The following GRIK2 variants were observed in gnomAD, a reference collection of about 807,000 sequenced individuals.
GRIK2 encodes the protein glutamate ionotropic receptor kainate type subunit 2, also known as glutamate receptor ionotropic, kainate 2.
In GRIK2, 32 loss-of-function variants were observed where a neutral mutation model predicts 100.3. The observed-to-expected ratio is 0.32, with a 90% confidence interval of 0.24 to 0.43. The LOEUF is 0.43. Among genes scored for constraint, GRIK2 ranks in the 20% least tolerant of loss-of-function variants. The pLI is 1.00. For missense variants in GRIK2, 843 were observed against 1,114.9 expected (o/e 0.76, Z 3.47); for synonymous variants, 417 against 389.4 (o/e 1.07, Z -0.83).
At chr6:101,535,778 T>C (rs937059626) in intron 2 of GRIK2, among the ~76,000 whole-genome samples, 16 of 151,756 alleles carry the variant, frequency 1.1e-4, no homozygotes, top group African/African-American at 3.9e-4. Context: ...TGTTGACATA[T>C]TTTATGAAGA....
intron 15 of GRIK2, among the ~76,000 whole-genome samples, chr6:102,035,935 T>C (rs1770245148): frequency 6.6e-6 from 1 of 151,352 alleles, no homozygotes; most frequent in Admixed American, 6.6e-5. Flanking sequence ...ACAAATATAG[T>C]ATTTGACTTA....
intron 2 of GRIK2, among the ~76,000 whole-genome samples, chr6:101,531,089 A>G (rs1361576375): frequency 6.6e-6 from 1 of 152,014 alleles, no homozygotes; most frequent in Non-Finnish European, 1.5e-5. Context: ...AAAGTTATAC[A>G]GTTAAAGCTT....
At chr6:101,882,480 T>C (rs1381301951) in intron 11 of GRIK2, among the ~76,000 whole-genome samples, 6 of 152,120 alleles carry the variant, frequency 3.9e-5, no homozygotes, top group Admixed American at 3.9e-4. Flanking sequence ...ATAAGTTTAC[T>C]CAATATTATT....
intron 2 of GRIK2, among the ~76,000 whole-genome samples, chr6:101,569,113 A>G (rs910658737): frequency 6.6e-6 from 1 of 152,058 alleles, no homozygotes; most frequent in Non-Finnish European, 1.5e-5. Context: ...AAAGACACAT[A>G]CATTCTGTAC....
intron 2 of GRIK2, among the ~76,000 whole-genome samples, chr6:101,585,084 A>G (rs1778291457): frequency 6.6e-6 from 1 of 152,044 alleles, no homozygotes; most frequent in Non-Finnish European, 1.5e-5. Context: ...TATATGAATA[A>G]TTGAGCAAGT....
chr6:101,442,453 G>T (rs1562140921), intron 2 of GRIK2, among the ~76,000 whole-genome samples: 3 of 152,190 alleles, frequency 2.0e-5, no homozygotes, highest in African/African-American at 7.2e-5. Flanking sequence ...GCTGGTTGGA[G>T]ATTCTCTGGG....
At chr6:101,859,924 C>T (rs1039508491) in intron 11 of GRIK2, among the ~76,000 whole-genome samples, 3 of 152,010 alleles carry the variant, frequency 2.0e-5, no homozygotes, top group Non-Finnish European at 4.4e-5. Flanking sequence ...AGGGGTGTTT[C>T]TTTCCTTATT....
At chr6:101,711,353 T>C (rs918753681) in intron 7 of GRIK2, among the ~76,000 whole-genome samples, 1 of 151,790 alleles carries the variant, frequency 6.6e-6, no homozygotes, top group Admixed American at 6.6e-5. Flanking sequence ...CTAAGTTTAC[T>C]CTTCATCTGT....
At chr6:102,056,613 C>T (rs531359101) in intron 16 of GRIK2, among the ~76,000 whole-genome samples, 17 of 151,610 alleles carry the variant, frequency 1.1e-4, no homozygotes, top group Non-Finnish European at 2.4e-4. Flanking sequence ...ATACAAAGAG[C>T]GAAAAAGAGG....
chr6:101,907,680 C>T (rs1788327064), intron 12 of GRIK2, among the ~76,000 whole-genome samples: 1 of 151,394 alleles, frequency 6.6e-6, no homozygotes, highest in Non-Finnish European at 1.5e-5. Flanking sequence ...GAATCTGTTT[C>T]TTCATAATAT....
intron 4 of GRIK2, among the ~76,000 whole-genome samples, chr6:101,657,276 T>C (rs2852560): frequency 0.66 from 99,644 of 151,962 alleles, 33,747 homozygotes; most frequent in Non-Finnish European, 0.76. Flanking sequence ...CAAGATCTGA[T>C]ATTTTTACAA....
At chr6:101,474,651 T>G (rs1378037867) in intron 2 of GRIK2, among the ~76,000 whole-genome samples, 1 of 151,862 alleles carries the variant, frequency 6.6e-6, no homozygotes, top group African/African-American at 2.4e-5. Context: ...TTATTTAGTA[T>G]TCATACTAAG....
intron 11 of GRIK2, among the ~76,000 whole-genome samples, chr6:101,875,028 T>G (rs923876141): frequency 2.0e-5 from 3 of 152,174 alleles, no homozygotes; most frequent in Non-Finnish European, 4.4e-5. Context: ...AGATATACAA[T>G]CATGTCACTG....
At chr6:101,604,030 CATATAA>C (rs1391490307) in intron 2 of GRIK2, among the ~76,000 whole-genome samples, 3 of 151,354 alleles carry the variant, frequency 2.0e-5, no homozygotes, top group Admixed American at 6.6e-5. Flanking sequence ...TGATAATACT[CATATAA>C]AGTAAAAAAG....
Position 101,393,720 on chromosome 6 carries a change from C to T in GRIK2, c.-411C>T, listed in dbSNP as rs1562105589. Among the ~76,000 whole-genome samples the T allele has an allele frequency of 6.6e-6, 1 of 152,088 alleles. No homozygotes were observed. Among genetic ancestry groups the T allele is most frequent in the Non-Finnish European group, 1.5e-5 (1 of 68,000 alleles). The stretch of plus-strand genomic sequence containing the variant: ...CGCCGCTGCCGTCACTCGCGCTCGG[C>T]GCCGGCGGCTGCGCTGGTCGGTCTG... On this transcript the variant is annotated 5_prime_UTR_variant, in exon 1 of 17. Transcript: ENST00000369134.
In GRIK2 at chr6:102,036,230, A is replaced by AACACAC. The variant is rs775417100; in HGVS notation, c.2311+690_2311+695dup. On this transcript the variant is annotated intron_variant, in intron 15 of 16. Transcript: ENST00000369134. ...TATGTATATGATGGTGCCGTAAGTA[A>AACACAC]ACACACACACACACACACACACACA... Among the ~76,000 whole-genome samples the AACACAC allele has an allele frequency of 1.6e-3, 239 of 146,308 alleles. 1 individual carries two copies. Among genetic ancestry groups the AACACAC allele is most frequent in the African/African-American group, 5.5e-3 (219 of 39,796 alleles).
intron 7 of GRIK2, among the ~76,000 whole-genome samples, chr6:101,698,138 A>C (rs1856138): frequency 0.083 from 12,434 of 149,092 alleles, 1,657 homozygotes; most frequent in African/African-American, 0.29. Context: ...AATGAACATG[A>C]CATAGCTAGT....
At chr6:101,772,003 T>C (rs1778440173) in intron 7 of GRIK2, among the ~76,000 whole-genome samples, 1 of 152,150 alleles carries the variant, frequency 6.6e-6, no homozygotes, top group African/African-American at 2.4e-5. Flanking sequence ...TACGTGTGCA[T>C]GTGTGTTTAT....
At chr6:101,520,162 A>C (rs1774809696) in intron 2 of GRIK2, among the ~76,000 whole-genome samples, 2 of 106,732 alleles carry the variant, frequency 1.9e-5, no homozygotes, top group Admixed American at 1.8e-4. Flanking sequence ...TTACATGATA[A>C]ATCTTCTTTT....
Sources: gnomAD v4.1 joint callset for allele counts (sites outside exome capture counted in the v4.1 genomes callset) on GRCh38, gnomAD v4.1.1 for gene constraint, MANE v1.5 for transcripts, NCBI Gene and HGNC (gene_info 2026-07-23, HGNC 2026-07-21) for gene names.